RNF24: variants seen among roughly 807,000 people sequenced by gnomAD.
The protein encoded by RNF24 is ring finger protein 24.
RNF24 carries 14 observed loss-of-function variants against 20.0 expected under a neutral mutation model. The ratio of observed to expected loss-of-function variants is 0.70; its 90% CI spans 0.46 to 1.10. The LOEUF is 1.10. RNF24 is among the 50% of genes least tolerant of loss of function. The pLI, the probability that RNF24 is intolerant of heterozygous loss-of-function variation, is 0.00. For synonymous variants in RNF24, 45 were observed against 61.1 expected, an observed-to-expected ratio of 0.74 and a Z score of 1.23; for missense variants, 124 against 177.6, an observed-to-expected ratio of 0.70 and a Z score of 1.71.
At chr20:3,993,370 C>G (rs541295873) in intron 1 of RNF24, among the ~76,000 whole-genome samples, 10 of 152,216 alleles carry the variant, frequency 6.6e-5, no homozygotes, top group African/African-American at 2.4e-4. Context: ...TCACTGCAAC[C>G]TCCACCTCCC....
chr20:3,997,728 A>T (rs927252115), intron 1 of RNF24, among the ~76,000 whole-genome samples: 2 of 152,206 alleles, frequency 1.3e-5, no homozygotes, highest in Admixed American at 6.5e-5. Flanking sequence ...ACCTGGACAG[A>T]AAAATATGGC....
chr20:3,962,198 CA>C (rs572935200), intron 2 of RNF24, among the ~76,000 whole-genome samples: 4 of 151,506 alleles, frequency 2.6e-5, no homozygotes, highest in African/African-American at 4.9e-5. Flanking sequence ...ACCAAAAATA[CA>C]AAAAAAATTG....
chr20:3,981,678 T>A (rs968095197), intron 1 of RNF24, among the ~76,000 whole-genome samples: 3 of 152,110 alleles, frequency 2.0e-5, no homozygotes, highest in South Asian at 2.1e-4. Flanking sequence ...GCTAATTTTT[T>A]AATATTTTTA....
rs532538792 is a variant in RNF24, at chr20:3,941,622, G to T, written c.228+3555C>A. ...GAAAAGCAGAAGACAAAAAAAAATG[G>T]TAAACCTAATTCTAAATGTATCAGC... On this transcript the variant is annotated intron_variant, in intron 4 of 5. Coordinates refer to ENST00000358395, the MANE Select transcript of RNF24 (RefSeq NM_001134337.3). Among the ~76,000 whole-genome samples, 22 of 152,166 alleles carry T rather than the reference G, an allele frequency of 1.4e-4. No homozygotes were observed. In the East Asian group the frequency reaches 4.0e-3, roughly 28 times the overall value.
At chr20:4,006,127 C>T (rs796704486) in intron 1 of RNF24, among the ~76,000 whole-genome samples, 7 of 152,218 alleles carry the variant, frequency 4.6e-5, no homozygotes, top group South Asian at 2.1e-4. Flanking sequence ...TTGTAATCCC[C>T]GCACTCTAGG....
At position 3,931,701 on chromosome 20, in the gene RNF24, G is replaced by C. The variant is rs1273272492; in HGVS notation, c.*2362C>G. 6.6e-6 allele frequency: 1 copy of C among 152,244 alleles called. No homozygotes were observed. The highest frequency in any genetic ancestry group is 1.5e-5 in the Non-Finnish European group (1 of 68,042). 9.4% of individuals were successfully genotyped at this position (152,244 alleles called of 1,614,324 possible). ...CCAGCCCAATCCTAGCAGAATGAAT[G>C]CATTTTAAAACCAGTCCACATTCAC... On this transcript the variant is annotated 3_prime_UTR_variant, in exon 6 of 6. Coordinates refer to ENST00000358395, the MANE Select transcript of RNF24 (RefSeq NM_001134337.3).
At chr20:3,981,840 C>A (rs1285886007) in intron 1 of RNF24, among the ~76,000 whole-genome samples, 1 of 151,980 alleles carries the variant, frequency 6.6e-6, no homozygotes, top group Non-Finnish European at 1.5e-5. Flanking sequence ...TCTATTGGGC[C>A]GGGCACACTA....
In RNF24 at chr20:4,009,687, T is replaced by C. The variant is rs73893320; in HGVS notation, c.-8+5750A>G. Among the ~76,000 whole-genome samples, 809 of 152,256 alleles carry C rather than the reference T, an allele frequency of 5.3e-3. 6 individuals are homozygous for C. Among genetic ancestry groups the C allele is most frequent in the African/African-American group, 0.018 (762 of 41,542 alleles). ...AATAGTGATAGGCAAAAAGATCTTA[T>C]TAAGATTCAATGGTAGCTTTGCCGG... On this transcript the variant is annotated intron_variant, in intron 1 of 5. Coordinates refer to ENST00000358395, the MANE Select transcript of RNF24 (RefSeq NM_001134337.3).
chr20:3,983,540 C>A (rs1248760481), intron 1 of RNF24, among the ~76,000 whole-genome samples: 1 of 152,102 alleles, frequency 6.6e-6, no homozygotes, highest in Non-Finnish European at 1.5e-5. Context: ...CAGCTTGGAG[C>A]AGTGAGCACT....
chr20:4,006,195 C>T (rs1048279043), intron 1 of RNF24, among the ~76,000 whole-genome samples: 1 of 152,076 alleles, frequency 6.6e-6, no homozygotes, highest in Non-Finnish European at 1.5e-5. Flanking sequence ...ATGGTGAAAC[C>T]CTGTCTCTAC....
chr20:4,002,048 C>A (rs1356019565), intron 1 of RNF24, among the ~76,000 whole-genome samples: 2 of 151,920 alleles, frequency 1.3e-5, no homozygotes, highest in Admixed American at 1.3e-4. Context: ...GTCAGGAGAT[C>A]GAGACTAGCC....
At chr20:3,974,520 A>C in intron 1 of RNF24, 1 of 1,041,290 alleles carries the variant, frequency 9.6e-7, no homozygotes, top group Non-Finnish European at 1.3e-6. Flanking sequence ...AAGAATCTTC[A>C]AAAAAATTTC....
At chr20:3,976,525 G>A (rs1434095571) in intron 1 of RNF24, among the ~76,000 whole-genome samples, 1 of 152,150 alleles carries the variant, frequency 6.6e-6, no homozygotes, top group Non-Finnish European at 1.5e-5. Context: ...GCACTCCTGG[G>A]CATTTATTCC....
chr20:3,945,061 C>T, intron 4 of RNF24, 116 bp downstream of exon 4: 1 of 1,317,966 alleles, frequency 7.6e-7, no homozygotes, highest in African/African-American at 1.5e-5. Flanking sequence ...TTCTATTACC[C>T]CAATCAAAAT....
intron 1 of RNF24, among the ~76,000 whole-genome samples, chr20:3,970,188 C>T (rs891774448): frequency 1.3e-5 from 2 of 152,080 alleles, no homozygotes. Context: ...CCTTTTCCAG[C>T]CAAAGAGGTA....
At chr20:3,978,956 A>G (rs1979138887) in intron 1 of RNF24, among the ~76,000 whole-genome samples, 1 of 151,972 alleles carries the variant, frequency 6.6e-6, no homozygotes, top group South Asian at 2.1e-4. Context: ...AAATACAAAC[A>G]TTAGCCAGGC....
At chr20:3,988,351 T>A (rs968746274) in intron 1 of RNF24, among the ~76,000 whole-genome samples, 13 of 148,954 alleles carry the variant, frequency 8.7e-5, no homozygotes, top group African/African-American at 3.0e-4. Flanking sequence ...AAATAAAAAA[T>A]AAAAAAAATT....
chr20:3,989,200 A>G (rs989408340), intron 1 of RNF24, among the ~76,000 whole-genome samples: 2 of 152,174 alleles, frequency 1.3e-5, no homozygotes, highest in Non-Finnish European at 2.9e-5. Flanking sequence ...ACTCTAAAAA[A>G]GAAAAACCTG....
chr20:3,953,766 T>TC (rs2091110169), intron 2 of RNF24, among the ~76,000 whole-genome samples: 1 of 151,060 alleles, frequency 6.6e-6, no homozygotes, highest in African/African-American at 2.4e-5. Context: ...GTAGTTTTTT[T>TC]TTTTTTTTGA....
Sources: allele counts gnomAD v4.1 joint callset (sites outside exome capture counted in the v4.1 genomes callset), GRCh38; gene constraint gnomAD v4.1.1; transcripts MANE v1.5; gene names NCBI Gene and HGNC (gene_info 2026-07-23, HGNC 2026-07-21).